The following SLC12A7 variants were observed in gnomAD, a reference collection of about 807,000 sequenced individuals.
SLC12A7 encodes the protein solute carrier family 12 member 7.
A neutral mutation model predicts 120.6 loss-of-function variants in SLC12A7; 100 were observed. The ratio of observed to expected loss-of-function variants is 0.83; its 90% CI spans 0.71 to 0.98. The LOEUF (loss-of-function observed/expected upper bound fraction) is 0.98, where lower values mean the gene tolerates loss of function less well. SLC12A7 is among the 50% of genes least tolerant of loss of function. The pLI, the probability that SLC12A7 is intolerant of heterozygous loss-of-function variation, is 0.00. For synonymous variants in SLC12A7, 760 were observed against 678.0 expected (o/e 1.12, Z -1.88); for missense variants, 1,373 against 1,548.1 (o/e 0.89, Z 1.90).
In SLC12A7 at chr5:1,051,682, C is replaced by G. The variant is rs781129108; in HGVS notation, c.*678G>C. ...GAACTGAACGTGTTCACCACACACCCGACAGATGATCCACCACGTTCTGGA... is the reference window on the plus strand; with the variant it reads ...GAACTGAACGTGTTCACCACACACCGGACAGATGATCCACCACGTTCTGGA... On this transcript the variant is annotated 3_prime_UTR_variant, in exon 24 of 24. Coordinates refer to ENST00000264930, the MANE Select transcript of SLC12A7 (RefSeq NM_006598.3). The G allele has an allele frequency of 6.6e-6, 1 of 152,400 alleles. No individual in the cohort carries two copies. Among genetic ancestry groups the G allele is most frequent in the African/African-American group, 2.4e-5 (1 of 41,472 alleles). 9.4% of individuals were successfully genotyped at this position (152,400 alleles called of 1,614,324 possible). A position where few individuals can be genotyped will look rare whatever the true frequency, so the allele number is the denominator to read the frequency against.
intron 9 of SLC12A7, among the ~76,000 whole-genome samples, chr5:1,080,410 C>T (rs1738912374): frequency 6.6e-6 from 1 of 152,214 alleles, no homozygotes; most frequent in Admixed American, 6.5e-5. Context: ...GCAGATCACC[C>T]CCTCCATAGC....
At chr5:1,136,652 T>C in the SLC12A7 span, among the ~76,000 whole-genome samples, 1,567 of 55,224 alleles carry the variant, frequency 0.028, 221 homozygotes, top group Middle Eastern at 0.074. Flanking sequence ...CAGGCACACA[T>C]GTGCTCAGAC....
the SLC12A7 span, among the ~76,000 whole-genome samples, chr5:1,119,355 G>A: frequency 6.6e-6 from 1 of 152,190 alleles, no homozygotes; most frequent in Non-Finnish European, 1.5e-5. Flanking sequence ...CTCGTTAAAG[G>A]TGAGGACCCC....
In SLC12A7 at chr5:1,051,469, C is replaced by A; in HGVS notation, c.*891G>T. 1 of 152,926 alleles carries A rather than the reference C, an allele frequency of 6.5e-6. No homozygotes were observed. The allele number at this position is 152,926 out of a possible 1,614,324, so 9.5% of individuals were successfully genotyped here. A position where few individuals can be genotyped will look rare whatever the true frequency, so the allele number is the denominator to read the frequency against. On this transcript the variant is annotated 3_prime_UTR_variant, in exon 24 of 24. Transcript: ENST00000264930. Reference sequence around the variant, plus strand: ...CTGTTCACTCTGCGCGCGTGTGCCCCTGGGTTTCAGTGCATTTGCCTGCGT... The same window carrying A: ...CTGTTCACTCTGCGCGCGTGTGCCCATGGGTTTCAGTGCATTTGCCTGCGT...
At chr5:1,054,803 G>A (rs1177995407) in intron 22 of SLC12A7, among the ~76,000 whole-genome samples, 1 of 152,272 alleles carries the variant, frequency 6.6e-6, no homozygotes, top group Non-Finnish European at 1.5e-5. Context: ...AACACAGGGA[G>A]AGACCTTCTA....
Position 1,062,351 on chromosome 5 carries a change from C to T in SLC12A7, c.2739+1493G>A, listed in dbSNP as rs529120881. The stretch of plus-strand genomic sequence containing the variant: ...TACGACTATTAGCACCAATAATAAC[C>T]CCTACAACCTTGAACCCGCAAAGCC... On this transcript the variant is annotated intron_variant, in intron 20 of 23. Coordinates refer to ENST00000264930, the MANE Select transcript of SLC12A7 (RefSeq NM_006598.3). Among the ~76,000 whole-genome samples, 5 of 152,298 alleles carry T rather than the reference C, an allele frequency of 3.3e-5. No individual in the cohort carries two copies. In the East Asian group the frequency reaches 7.7e-4, roughly 24 times the overall value.
At chr5:1,107,674 G>A (rs554866127) in intron 1 of SLC12A7, among the ~76,000 whole-genome samples, 1 of 152,206 alleles carries the variant, frequency 6.6e-6, no homozygotes, top group Non-Finnish European at 1.5e-5. Context: ...GACCACGGGA[G>A]AGGCACTGAG....
rs764722440 is a variant in SLC12A7, at chr5:1,074,645, A to G, written c.1994T>C (p.Ile665Thr). ...GGCGGCGTTCAGGGATAGGCCACGGATGCCATCGCCCCACTCCTTCTCGGC... is the reference window on the plus strand; with the variant it reads ...GGCGGCGTTCAGGGATAGGCCACGGGTGCCATCGCCCCACTCCTTCTCGGC... ...RGAEKEWGDGIRGLSLNAARY... is the reference protein window; with the variant it reads ...RGAEKEWGDGTRGLSLNAARY... Residue 665 changes from isoleucine (I) to threonine (T), a missense_variant, in exon 16 of 24, where the codon ATC becomes ACC. By Grantham distance (89) the Ile-to-Thr change is moderately conservative (BLOSUM62 -1). Transcript: ENST00000264930. The G allele has an allele frequency of 2.5e-5, 41 of 1,612,628 alleles. No homozygotes were observed. Among genetic ancestry groups the G allele is most frequent in the Non-Finnish European group, 3.5e-5 (41 of 1,179,912 alleles).
chr5:1,142,458 TCCACTCC>T, the SLC12A7 span, among the ~76,000 whole-genome samples: 1 of 23,546 alleles, frequency 4.2e-5, no homozygotes, highest in Non-Finnish European at 7.2e-5. Flanking sequence ...CTCTCTGCCC[TCCACTCC>T]CCCCTCCCCT....
In SLC12A7 at chr5:1,088,380, C is replaced by T. The variant is rs1740123325; in HGVS notation, c.490-20G>A. On this transcript the variant is annotated intron_variant, in intron 4 of 23. Coordinates refer to ENST00000264930, the MANE Select transcript of SLC12A7 (RefSeq NM_006598.3). ...CATTGTCTGCAAAAAGACAGGCAGC[C>T]ATCTGAGGAGAGTTTTCCAACAGCC... The T allele has an allele frequency of 4.5e-6, 7 of 1,565,932 alleles. No individual in the cohort carries two copies. Among genetic ancestry groups the T allele is most frequent in the Non-Finnish European group, 6.1e-6 (7 of 1,154,936 alleles).
At chr5:1,103,167 G>A (rs907436142) in intron 1 of SLC12A7, among the ~76,000 whole-genome samples, 1 of 152,180 alleles carries the variant, frequency 6.6e-6, no homozygotes, top group Non-Finnish European at 1.5e-5. Flanking sequence ...GGGGGCTTCA[G>A]GCAAGCTCTC....
At chr5:1,092,391 C>T (rs888094639) in intron 3 of SLC12A7, among the ~76,000 whole-genome samples, 6 of 152,166 alleles carry the variant, frequency 3.9e-5, no homozygotes, top group South Asian at 2.1e-4. Context: ...GGAGGTCACA[C>T]GCAGCAGGGG....
chr5:1,089,269 AG>A, intron 3 of SLC12A7, 141 bp from the exon 4 acceptor site: 1 of 849,942 alleles, frequency 1.2e-6, no homozygotes, highest in East Asian at 2.7e-5. Context: ...GAACAGATGG[AG>A]GTTCAGAGAG....
chr5:1,149,760 G>A, the SLC12A7 span, among the ~76,000 whole-genome samples: 1 of 152,026 alleles, frequency 6.6e-6, no homozygotes, highest in Non-Finnish European at 1.5e-5. Flanking sequence ...CGGGTGCGGT[G>A]GTTCACATCT....
chr5:1,058,778 G>C (rs1363651022), intron 21 of SLC12A7, among the ~76,000 whole-genome samples: 1 of 152,210 alleles, frequency 6.6e-6, no homozygotes, highest in South Asian at 2.1e-4. Flanking sequence ...CGTGAAACCA[G>C]AGCCCAAGGG....
upstream of SLC12A7, among the ~76,000 whole-genome samples, chr5:1,115,951 C>CTTTT (rs1743305605): frequency 6.6e-6 from 1 of 150,690 alleles, no homozygotes; most frequent in African/African-American, 2.5e-5. Context: ...TTTTTTTAAG[C>CTTTT]GTGGTGAGCC....
At chr5:1,073,962 T>C (rs1485147624) in intron 16 of SLC12A7, among the ~76,000 whole-genome samples, 161 bp from the exon 17 acceptor site, 8 of 150,558 alleles carry the variant, frequency 5.3e-5, no homozygotes. Flanking sequence ...ACAGATGGGA[T>C]GGGGAAACGT....
intron 3 of SLC12A7, among the ~76,000 whole-genome samples, chr5:1,091,335 C>T (rs1323497086): frequency 6.6e-6 from 1 of 152,192 alleles, no homozygotes; most frequent in Admixed American, 6.5e-5. Context: ...CTATGGGCAC[C>T]TCATGGCAGG....
At chr5:1,092,937 C>T (rs1449131727) in intron 3 of SLC12A7, among the ~76,000 whole-genome samples, 2 of 152,132 alleles carry the variant, frequency 1.3e-5, no homozygotes, top group African/African-American at 4.8e-5. Flanking sequence ...CTCAGGCAAC[C>T]CGTCTGTACA....
Sources: gnomAD v4.1 joint callset for allele counts (sites outside exome capture counted in the v4.1 genomes callset) on GRCh38, gnomAD v4.1.1 for gene constraint, MANE v1.5 for transcripts, NCBI Gene and HGNC (gene_info 2026-07-23, HGNC 2026-07-21) for gene names.